FBXL7: variants seen among roughly 807,000 people sequenced by gnomAD.
The protein encoded by FBXL7 is F-box/LRR-repeat protein 7.
Under a neutral mutation model 38.3 loss-of-function variants are expected in FBXL7, and 12 were observed. The observed-to-expected ratio is 0.31, with a 90% CI of 0.20 to 0.51. The LOEUF is 0.51. FBXL7 is among the 20% of genes least tolerant of loss of function. The probability of loss-of-function intolerance (pLI) is 0.98; values close to 1 mark genes in which losing one functional copy is unlikely to be tolerated. For synonymous variants in FBXL7, 297 were observed against 300.9 expected (o/e 0.99, Z 0.13); for missense variants, 567 against 676.4 (o/e 0.84, Z 1.79).
chr5:15,672,939 T>A (rs960846777), intron 2 of FBXL7, among the ~76,000 whole-genome samples: 5 of 152,206 alleles, frequency 3.3e-5, no homozygotes, highest in Non-Finnish European at 7.3e-5. Context: ...TTGGGTGCTA[T>A]TTTTAGCCTT....
intron 2 of FBXL7, among the ~76,000 whole-genome samples, chr5:15,648,124 A>G (rs1741592813): frequency 6.6e-6 from 1 of 152,190 alleles, no homozygotes; most frequent in African/African-American, 2.4e-5. Context: ...AAGCCTCTTC[A>G]TTTTCTCACT....
intron 2 of FBXL7, among the ~76,000 whole-genome samples, chr5:15,670,709 G>A (rs1490254864): frequency 6.6e-6 from 1 of 152,114 alleles, no homozygotes; most frequent in African/African-American, 2.4e-5. Flanking sequence ...GCTGAGACAG[G>A]AGAATCGCTT....
At chr5:15,745,421 T>C (rs1441642836) in intron 2 of FBXL7, among the ~76,000 whole-genome samples, 1 of 152,198 alleles carries the variant, frequency 6.6e-6, no homozygotes, top group Admixed American at 6.5e-5. Context: ...CAGGTTAAAA[T>C]TCATGCTCTC....
At chr5:15,815,588 T>G (rs530252554) in intron 2 of FBXL7, among the ~76,000 whole-genome samples, 1 of 152,306 alleles carries the variant, frequency 6.6e-6, no homozygotes, top group African/African-American at 2.4e-5. Flanking sequence ...CATTAAAGAA[T>G]CTACTCAATC....
intron 2 of FBXL7, among the ~76,000 whole-genome samples, chr5:15,882,246 T>C (rs1028569742): frequency 6.6e-6 from 1 of 152,168 alleles, no homozygotes; most frequent in Admixed American, 6.5e-5. Flanking sequence ...ATCACTAGCT[T>C]TACTTCTGAG....
chr5:15,691,194 G>A (rs372032550), intron 2 of FBXL7, among the ~76,000 whole-genome samples: 22 of 152,242 alleles, frequency 1.4e-4, no homozygotes, highest in South Asian at 4.1e-4. Flanking sequence ...TGCACATCCC[G>A]CTTGATGGGC....
intron 1 of FBXL7, among the ~76,000 whole-genome samples, chr5:15,582,266 C>T (rs1453587132): frequency 6.6e-6 from 1 of 152,142 alleles, no homozygotes; most frequent in African/African-American, 2.4e-5. Context: ...GAAATGCATG[C>T]ACTGAAAATT....
At chr5:15,682,386 G>C (rs1312768126) in intron 2 of FBXL7, among the ~76,000 whole-genome samples, 1 of 152,120 alleles carries the variant, frequency 6.6e-6, no homozygotes, top group Non-Finnish European at 1.5e-5. Context: ...GTGTATCCAG[G>C]AGGAAAACAG....
At chr5:15,833,052 C>T (rs1738499239) in intron 2 of FBXL7, among the ~76,000 whole-genome samples, 1 of 152,158 alleles carries the variant, frequency 6.6e-6, no homozygotes, top group Non-Finnish European at 1.5e-5. Flanking sequence ...ATGGCTTTCA[C>T]CTTCCACCAT....
At chr5:15,772,979 C>A (rs918345701) in intron 2 of FBXL7, among the ~76,000 whole-genome samples, 1 of 151,976 alleles carries the variant, frequency 6.6e-6, no homozygotes, top group Admixed American at 6.6e-5. Context: ...ACTTCAGCTT[C>A]AACCTCCTGG....
intron 2 of FBXL7, among the ~76,000 whole-genome samples, chr5:15,757,067 A>G (rs1736316985): frequency 1.3e-5 from 2 of 152,168 alleles, no homozygotes; most frequent in Admixed American, 6.5e-5. Flanking sequence ...CCTACAAAAA[A>G]CATAAATGGT....
intron 2 of FBXL7, among the ~76,000 whole-genome samples, chr5:15,683,240 TTTTAA>T (rs1429868546): frequency 6.6e-6 from 1 of 152,214 alleles, no homozygotes; most frequent in Non-Finnish European, 1.5e-5. Context: ...TTATTGTTAT[TTTTAA>T]TTAATCAGCT....
chr5:15,896,191 A>AT (rs1335843894), intron 2 of FBXL7, among the ~76,000 whole-genome samples: 2 of 151,636 alleles, frequency 1.3e-5, no homozygotes, highest in Non-Finnish European at 2.9e-5. Flanking sequence ...TGCCTGGCTA[A>AT]TTTTTTGTAT....
chr5:15,899,662 T>C (rs1288308965), intron 2 of FBXL7, among the ~76,000 whole-genome samples: 1 of 152,078 alleles, frequency 6.6e-6, no homozygotes, highest in Non-Finnish European at 1.5e-5. Flanking sequence ...AAGGGTGATG[T>C]CATGCAGTCT....
intron 2 of FBXL7, among the ~76,000 whole-genome samples, chr5:15,737,570 G>A (rs1391841601): frequency 6.6e-6 from 1 of 152,156 alleles, no homozygotes; most frequent in Admixed American, 6.5e-5. Flanking sequence ...GATGTTTCAG[G>A]CTAAGAGAAA....
intron 2 of FBXL7, among the ~76,000 whole-genome samples, chr5:15,657,587 A>G (rs891195033): frequency 7.9e-5 from 12 of 152,202 alleles, no homozygotes; most frequent in Admixed American, 7.9e-4. Context: ...TAATCCCAGC[A>G]CTTTGGGAGG....
At chr5:15,620,586 G>C (rs1740605281) in intron 2 of FBXL7, among the ~76,000 whole-genome samples, 1 of 151,976 alleles carries the variant, frequency 6.6e-6, no homozygotes. Flanking sequence ...TTGCAACTGT[G>C]GGGAGAGATC....
intron 2 of FBXL7, among the ~76,000 whole-genome samples, chr5:15,871,041 A>G (rs571767921): frequency 2.6e-5 from 4 of 152,312 alleles, no homozygotes; most frequent in African/African-American, 9.6e-5. Context: ...AGGAGCTGAC[A>G]AACACCTCAT....
intron 1 of FBXL7, chr5:15,501,723 TG>T (rs1208192332): frequency 1.0e-6 from 1 of 985,366 alleles, no homozygotes; most frequent in African/African-American, 1.7e-5. Context: ...GGCCACAGAA[TG>T]TGGGTGTCTC....
Sources: gnomAD v4.1 joint callset for allele counts (sites outside exome capture counted in the v4.1 genomes callset) on GRCh38, gnomAD v4.1.1 for gene constraint, MANE v1.5 for transcripts, NCBI Gene and HGNC (gene_info 2026-07-23, HGNC 2026-07-21) for gene names.